The following TRERF1 variants were observed in gnomAD, a reference collection of about 807,000 sequenced individuals.
TRERF1 encodes the protein transcriptional-regulating factor 1.
Under a neutral mutation model 122.9 loss-of-function variants are expected in TRERF1, and 27 were observed. The observed-to-expected ratio is 0.22, with a 90% CI of 0.16 to 0.30. TRERF1 has a LOEUF of 0.30. Among genes scored for constraint, TRERF1 ranks in the 10% least tolerant of loss-of-function variants. The pLI is 1.00. For synonymous variants in TRERF1, 636 were observed against 641.7 expected (o/e 0.99, Z 0.13); for missense variants, 1,248 against 1,560.3 (o/e 0.80, Z 3.37).
chr6:42,392,908 GCACACACACA>G lies in TRERF1; in HGVS notation c.-453-29839_-453-29830del, dbSNP rs1166760102. Among the ~76,000 whole-genome samples the G allele has an allele frequency of 1.7e-4, 20 of 117,690 alleles. No individual in the cohort carries two copies. The East Asian group carries it at 4.4e-3, about 26-fold the overall frequency. The allele number at this position is 117,690 out of a possible 152,430, so 77.2% of individuals were successfully genotyped here. ...TGGTAAGGCGAATGTTTAACAAGCA[GCACACACACA>G]CATACACACACATACACACACACAC... On this transcript the variant is annotated intron_variant, in intron 2 of 17. Transcript: ENST00000372922.
rs959999627 is a variant in TRERF1, at chr6:42,271,185, A to C, written c.-258-1337T>G. Among the ~76,000 whole-genome samples, 276 of 122,950 alleles carry C rather than the reference A, an allele frequency of 2.2e-3. 1 individual carries two copies. Among genetic ancestry groups the C allele is most frequent in the Admixed American group, 5.0e-3 (63 of 12,506 alleles). The allele number at this position is 122,950 out of a possible 152,430, so 80.7% of individuals were successfully genotyped here. ...CTGTGACAAGAGCAAAACTCCATCT[A>C]AAAAAAAAAAAAAAAAAAGAGGTTC... On this transcript the variant is annotated intron_variant, in intron 4 of 17. Coordinates refer to ENST00000372922, the Ensembl canonical transcript of TRERF1.
At chr6:42,369,749 C>G (rs1381595016) in intron 2 of TRERF1, among the ~76,000 whole-genome samples, 1 of 152,178 alleles carries the variant, frequency 6.6e-6, no homozygotes, top group South Asian at 2.1e-4. Context: ...CTGCTGCCCT[C>G]TCTGGCCCAG....
At chr6:42,303,432 G>A (rs1169273729) in intron 3 of TRERF1, among the ~76,000 whole-genome samples, 1 of 152,194 alleles carries the variant, frequency 6.6e-6, no homozygotes, top group Non-Finnish European at 1.5e-5. Context: ...GCAAAGTAGG[G>A]AGGGCAGCAG....
chr6:42,270,686 C>A lies in TRERF1; in HGVS notation c.-258-838G>T, dbSNP rs373411414. 9.2e-5 allele frequency among the ~76,000 whole-genome samples: 14 copies of A among 152,050 alleles called. No homozygotes were observed. In the South Asian group the frequency reaches 2.9e-3, roughly 32 times the overall value. On this transcript the variant is annotated intron_variant, in intron 4 of 17. Coordinates refer to ENST00000372922, the Ensembl canonical transcript of TRERF1. ...GGTGTGATGGCACGCACCTGTACCC[C>A]CACCTATCAGGAGACTGAGGCGAGG... is the stretch of plus-strand genomic sequence containing the variant.
chr6:42,259,807 ACTGT>A lies in TRERF1; in HGVS notation c.1885-88_1885-85del. 1 of 1,571,622 alleles carries A rather than the reference ACTGT, an allele frequency of 6.4e-7. No individual in the cohort carries two copies. The highest frequency in any genetic ancestry group is 2.2e-5 in the East Asian group (1 of 44,760). ...ACAGGTTCAGGGAAGGGGGCCTTCT[ACTGT>A]CTAAGCAGAGAGCCCTTCTGCTTGA... On this transcript the variant is annotated intron_variant, in intron 8 of 17. Transcript: ENST00000372922. The surrounding 1 kb of genome is among the most constrained non-coding windows in gnomAD (Gnocchi z 4.9).
At chr6:42,381,880 G>A (rs1775990408) in intron 2 of TRERF1, among the ~76,000 whole-genome samples, 2 of 148,508 alleles carry the variant, frequency 1.3e-5, no homozygotes, top group Admixed American at 1.4e-4. Context: ...CTTGGCAAAG[G>A]GTTTCCACAG....
chr6:42,340,765 G>A (rs998214052), intron 3 of TRERF1, among the ~76,000 whole-genome samples: 4 of 152,004 alleles, frequency 2.6e-5, no homozygotes, highest in South Asian at 2.1e-4. Flanking sequence ...CGCACCCAGC[G>A]GCAAAAAAGA....
chr6:42,423,907 TTAGA>T (rs1424757146), intron 2 of TRERF1, among the ~76,000 whole-genome samples: 1 of 152,220 alleles, frequency 6.6e-6, no homozygotes, highest in Non-Finnish European at 1.5e-5. Context: ...TATGGCTTTC[TTAGA>T]TAATCTGCAT....
At chr6:42,247,388 T>C (rs1774994321) in intron 13 of TRERF1, among the ~76,000 whole-genome samples, 1 of 152,244 alleles carries the variant, frequency 6.6e-6, no homozygotes, top group Non-Finnish European at 1.5e-5. Flanking sequence ...AGGTTCTAAG[T>C]ACTTCAGTTA....
intron 2 of TRERF1, among the ~76,000 whole-genome samples, chr6:42,450,387 C>T (rs1166917735): frequency 6.6e-6 from 1 of 152,250 alleles, no homozygotes; most frequent in Non-Finnish European, 1.5e-5. Context: ...AGCACGACTT[C>T]CACGCACTCA....
chr6:42,236,031 C>A (rs1363022277), intron 16 of TRERF1, among the ~76,000 whole-genome samples, 174 bp downstream of exon 16: 1 of 152,246 alleles, frequency 6.6e-6, no homozygotes, highest in Admixed American at 6.5e-5. Flanking sequence ...AGAACACACA[C>A]TCTGTAAATA....
intron 2 of TRERF1, among the ~76,000 whole-genome samples, chr6:42,439,618 A>AAAAC (rs1010490285): frequency 4.6e-5 from 7 of 152,250 alleles, no homozygotes; most frequent in East Asian, 3.9e-4. Flanking sequence ...ATAAGACTCC[A>AAAAC]AAACAAACAA....
In TRERF1 at chr6:42,393,395, C is replaced by A. The variant is rs1778074844; in HGVS notation, c.-453-30316G>T. Among the ~76,000 whole-genome samples the A allele has an allele frequency of 6.6e-6, 1 of 152,168 alleles. No homozygotes were observed. The highest frequency in any genetic ancestry group is 1.5e-5 in the Non-Finnish European group (1 of 68,032). ...GGGGCAGCCAAGGCCTCTCATCATC[C>A]CCTCTGCCCCTGAGAAGGAGGGCTT... On this transcript the variant is annotated intron_variant, in intron 2 of 17. Coordinates refer to ENST00000372922, the Ensembl canonical transcript of TRERF1. This position sits in a 1 kb window ranked among gnomAD's most constrained non-coding sequence, Gnocchi z 4.1.
intron 2 of TRERF1, among the ~76,000 whole-genome samples, chr6:42,384,561 T>C (rs1776474681): frequency 6.6e-6 from 1 of 152,198 alleles, no homozygotes; most frequent in South Asian, 2.1e-4. Context: ...TTTAACCCAC[T>C]TTAGACTCTT....
At chr6:42,281,999 C>T (rs952014056) in intron 4 of TRERF1, among the ~76,000 whole-genome samples, 6 of 152,204 alleles carry the variant, frequency 3.9e-5, no homozygotes, top group African/African-American at 1.4e-4. Context: ...CTTTAGGATA[C>T]ATACCCAGGA....
At chr6:42,446,077 C>A (rs1188141568) in intron 2 of TRERF1, among the ~76,000 whole-genome samples, 11 of 152,130 alleles carry the variant, frequency 7.2e-5, no homozygotes, top group Admixed American at 7.2e-4. Context: ...ACCACGCAGC[C>A]TAATTTTTGT....
At chr6:42,406,661 T>A (rs1004184742) in intron 2 of TRERF1, among the ~76,000 whole-genome samples, 3 of 152,140 alleles carry the variant, frequency 2.0e-5, no homozygotes, top group Non-Finnish European at 4.4e-5. Flanking sequence ...CCATACTGCA[T>A]CTTAGCCAGT....
intron 8 of TRERF1, among the ~76,000 whole-genome samples, chr6:42,260,857 A>G (rs961644738): frequency 5.9e-5 from 9 of 152,022 alleles, no homozygotes; most frequent in Admixed American, 5.9e-4. Context: ...CTCCCTCCAG[A>G]GCTTCAGGCT....
At chr6:42,330,860 G>A (rs77619721) in intron 3 of TRERF1, among the ~76,000 whole-genome samples, 1 of 151,910 alleles carries the variant, frequency 6.6e-6, no homozygotes, top group Admixed American at 6.6e-5. Flanking sequence ...TGTATTTTTA[G>A]TAGAAATGGG....
Sources: gnomAD v4.1 joint callset for allele counts (sites outside exome capture counted in the v4.1 genomes callset) on GRCh38, gnomAD v4.1.1 for gene constraint, Gnocchi (gnomAD v3.1) non-coding constraint, MANE v1.5 for transcripts, NCBI Gene and HGNC (gene_info 2026-07-23, HGNC 2026-07-21) for gene names.